Variants in MYOF observed in about 807,000 individuals in gnomAD.
MYOF encodes fer-1-like 3, myoferlin.
MYOF carries 244 observed loss-of-function variants against 284.2 expected under a neutral mutation model. The ratio of observed to expected loss-of-function variants is 0.86; its 90% CI spans 0.77 to 0.95. The LOEUF (loss-of-function observed/expected upper bound fraction) is 0.95. MYOF is among the 40% of genes least tolerant of loss of function. The pLI is 0.00. For synonymous variants in MYOF, 904 were observed against 919.7 expected (o/e 0.98, Z 0.31); for missense variants, 2,496 against 2,560.6 (o/e 0.97, Z 0.54).
intron 18 of MYOF, 26 bp downstream of exon 18, chr10:93,389,004 A>T (rs767560378): frequency 6.2e-7 from 1 of 1,607,814 alleles, no homozygotes; most frequent in Non-Finnish European, 8.5e-7. Flanking sequence ...ATGCTGATTA[A>T]TAACCACCTT....
intron 7 of MYOF, among the ~76,000 whole-genome samples, chr10:93,406,577 G>A (rs942617906): frequency 2.7e-5 from 4 of 149,154 alleles, no homozygotes; most frequent in African/African-American, 1.0e-4. Context: ...CACCCATCCA[G>A]TCTTGCCCTC....
chr10:93,479,965 A>G (rs1466441009), intron 1 of MYOF, among the ~76,000 whole-genome samples: 3 of 152,322 alleles, frequency 2.0e-5, no homozygotes, highest in East Asian at 3.9e-4. Flanking sequence ...TGTTTCATCA[A>G]TGCATACAAA....
At chr10:93,427,212 C>A (rs866418597) in intron 4 of MYOF, among the ~76,000 whole-genome samples, 24 of 138,320 alleles carry the variant, frequency 1.7e-4, no homozygotes, top group African/African-American at 6.1e-4. Flanking sequence ...CAAAACAAAA[C>A]AAAACAAAAA....
chr10:93,357,785 G>C (rs1018505701), intron 29 of MYOF, among the ~76,000 whole-genome samples: 1 of 152,154 alleles, frequency 6.6e-6, no homozygotes, highest in Non-Finnish European at 1.5e-5. Context: ...TAGGAAACAT[G>C]ATCAAAGCCT....
At chr10:93,388,002 A>G in intron 18 of MYOF, 89 bp from the exon 19 acceptor site, 1 of 997,092 alleles carries the variant, frequency 1.0e-6, no homozygotes, top group South Asian at 1.3e-5. Flanking sequence ...AACTGCAAAA[A>G]GTTTCTCCTT....
rs180676941 is a variant in MYOF, at chr10:93,313,639, G to A, written c.5699-429C>T. ...ATGCTGGCTGGGCAAAGTGGCTCAC[G>A]GCTGTAATCCTAGCACTTTGGGAGG... is the stretch of plus-strand genomic sequence containing the variant. On this transcript the variant is annotated intron_variant, in intron 50 of 53. Coordinates refer to ENST00000359263, the MANE Select transcript of MYOF (RefSeq NM_013451.4). Among the ~76,000 whole-genome samples the A allele has an allele frequency of 2.2e-3, 333 of 152,178 alleles. 2 individuals carry two copies. The highest frequency in any genetic ancestry group is 7.6e-3 in the African/African-American group (317 of 41,520).
intron 1 of MYOF, among the ~76,000 whole-genome samples, chr10:93,477,508 AAAACACACAC>A (rs2057290473): frequency 1.3e-5 from 2 of 151,652 alleles, no homozygotes; most frequent in African/African-American, 2.4e-5. Context: ...AGAAAAAAGA[AAAACACACAC>A]AAACACACAC....
At chr10:93,407,972 C>A (rs1005039870) in intron 7 of MYOF, among the ~76,000 whole-genome samples, 1 of 152,086 alleles carries the variant, frequency 6.6e-6, no homozygotes, top group Non-Finnish European at 1.5e-5. Flanking sequence ...TCGAAGGGAT[C>A]ATCAAGAAGT....
chr10:93,438,615 T>G (rs1010894479), intron 3 of MYOF, among the ~76,000 whole-genome samples: 1 of 151,954 alleles, frequency 6.6e-6, no homozygotes, highest in Non-Finnish European at 1.5e-5. Flanking sequence ...ACCCAGGAAG[T>G]CCGAGAAACA....
intron 24 of MYOF, among the ~76,000 whole-genome samples, chr10:93,371,703 C>T (rs996737055): frequency 7.9e-5 from 12 of 151,496 alleles, no homozygotes; most frequent in African/African-American, 2.9e-4. Context: ...GTATAACCCA[C>T]ATAAACCAAA....
intron 3 of MYOF, among the ~76,000 whole-genome samples, chr10:93,435,841 G>A (rs1255547562): frequency 6.6e-6 from 1 of 151,916 alleles, no homozygotes; most frequent in Admixed American, 6.6e-5. Context: ...TACTTGGGAG[G>A]CTGAGTGAGT....
intron 3 of MYOF, among the ~76,000 whole-genome samples, chr10:93,446,188 C>A (rs910512726): frequency 7.0e-6 from 1 of 142,328 alleles, no homozygotes; most frequent in African/African-American, 3.1e-5. Context: ...CATTACAGAG[C>A]TGACGCAGGG....
At chr10:93,368,061 AG>A (rs1391563677) in intron 25 of MYOF, among the ~76,000 whole-genome samples, 1 of 150,132 alleles carries the variant, frequency 6.7e-6, no homozygotes, top group Non-Finnish European at 1.5e-5. Flanking sequence ...ATCATTGCTC[AG>A]GGCTGCTTTC....
intron 23 of MYOF, among the ~76,000 whole-genome samples, chr10:93,374,352 G>T (rs1472087237): frequency 6.6e-6 from 1 of 152,114 alleles, no homozygotes. Flanking sequence ...TTTTACAGAT[G>T]GGGAAACTGA....
At chr10:93,310,688 C>CAAAT in intron 51 of MYOF, 45 bp from the exon 52 acceptor site, 1 of 1,568,118 alleles carries the variant, frequency 6.4e-7, no homozygotes, top group Non-Finnish European at 8.8e-7. Flanking sequence ...TCATGTTTCA[C>CAAAT]AAATATTTTT....
intron 3 of MYOF, among the ~76,000 whole-genome samples, chr10:93,435,885 C>G (rs1849093898): frequency 6.6e-6 from 1 of 150,658 alleles, no homozygotes; most frequent in African/African-American, 2.4e-5. Context: ...GCCTGGGCAA[C>G]AGAGCAAGAC....
At chr10:93,375,361 G>C (rs1845790789) in intron 22 of MYOF, among the ~76,000 whole-genome samples, 1 of 152,214 alleles carries the variant, frequency 6.6e-6, no homozygotes, top group African/African-American at 2.4e-5. Context: ...TTTAGCTGAA[G>C]CATACTTAAC....
chr10:93,404,032 C>A lies in MYOF; in HGVS notation c.834G>T (p.Gly278=), dbSNP rs921654693. The A allele has an allele frequency of 1.2e-6, 2 of 1,613,812 alleles. No homozygotes were observed. The highest frequency in any genetic ancestry group is 2.7e-5 in the African/African-American group (2 of 74,876). The part of the protein sequence containing the change: ...SHSLRADCLM[G]EFKIDVGFVY... ...GACTGTTGTCACTCACCTTAAATTC[C>A]CCCATCAGACAATCTGCCCGCAGAG... Residue 278 remains glycine (G), a synonymous_variant, in exon 9 of 54, where the codon GGG becomes GGT. Coordinates refer to ENST00000359263, the MANE Select transcript of MYOF (RefSeq NM_013451.4).
chr10:93,347,290 C>T (rs941495924), intron 37 of MYOF, among the ~76,000 whole-genome samples: 84 of 151,398 alleles, frequency 5.5e-4, no homozygotes, highest in Admixed American at 2.2e-3. Flanking sequence ...CGGTGGCTCA[C>T]GCCTGTAATC....
Sources: gnomAD v4.1 joint callset for allele counts (sites outside exome capture counted in the v4.1 genomes callset) on GRCh38, gnomAD v4.1.1 for gene constraint, MANE v1.5 for transcripts, NCBI Gene and HGNC (gene_info 2026-07-23, HGNC 2026-07-21) for gene names.